Variants in ATP6V1C2 observed in about 807,000 individuals in gnomAD.
ATP6V1C2 encodes the protein V-type proton ATPase subunit C 2.
A neutral mutation model predicts 56.8 loss-of-function variants in ATP6V1C2; 45 were observed. The observed-to-expected ratio is 0.79, with a 90% CI of 0.62 to 1.02. The LOEUF (loss-of-function observed/expected upper bound fraction) is 1.02, where lower values mean the gene tolerates loss of function less well. Ranked by LOEUF, ATP6V1C2 falls within the 50% of genes least tolerant of loss-of-function variation. The pLI is 0.00. For missense variants in ATP6V1C2, 463 were observed against 519.7 expected (o/e 0.89, Z 1.06); for synonymous variants, 220 against 201.3 (o/e 1.09, Z -0.79).
intron 3 of ATP6V1C2, among the ~76,000 whole-genome samples, chr2:10,731,682 A>G (rs1296922690): frequency 6.6e-6 from 1 of 152,148 alleles, no homozygotes. Flanking sequence ...GGCTTAAGAA[A>G]TGTGAACTGG....
rs565732147 is a variant in ATP6V1C2 at position 10,731,097 on chromosome 2, G to A, written c.197+4528G>A. On this transcript the variant is annotated intron_variant, in intron 3 of 13. Coordinates refer to ENST00000272238, the MANE Select transcript of ATP6V1C2 (RefSeq NM_001039362.2). ...CTCTCAAGTAGCTGGGACCACAGGT[G>A]CACACCATGCCCAGCTAATTTTAAA... 3.6e-3 allele frequency among the ~76,000 whole-genome samples: 541 copies of A among 152,144 alleles called. 3 individuals are homozygous for A. Among genetic ancestry groups the A allele is most frequent in the Non-Finnish European group, 3.4e-3 (229 of 68,014 alleles).
chr2:10,755,711 CTCACCG>C (rs750685761), intron 4 of ATP6V1C2, among the ~76,000 whole-genome samples: 1 of 152,222 alleles, frequency 6.6e-6, no homozygotes, highest in Non-Finnish European at 1.5e-5. Flanking sequence ...TCACCTCACC[CTCACCG>C]ATTTATCCCT....
At position 10,775,023 on chromosome 2, in the gene ATP6V1C2, G is replaced by A. The variant is rs774906591; in HGVS notation, c.777G>A (p.Arg259=). The A allele has an allele frequency of 4.3e-6, 7 of 1,614,116 alleles. No individual in the cohort carries two copies. Among genetic ancestry groups the A allele is most frequent in the Middle Eastern group, 3.3e-4 (2 of 6,062 alleles). The change falls in exon 10 of 14, where the codon AGG becomes AGA. Residue 259 remains arginine (R), a synonymous_variant. Transcript: ENST00000272238. The stretch of plus-strand genomic sequence containing the variant: ...ACTATGATGAGAAGGAAATTGAAAG[G>A]GAAAGGGAGGAGATGGCCAGATTGC... ...EFYYDEKEIE[R]EREEMARLLS...
At chr2:10,778,342 G>T (rs1665130849) in intron 11 of ATP6V1C2, 1 of 553,118 alleles carries the variant, frequency 1.8e-6, no homozygotes, top group Admixed American at 3.1e-5. Context: ...GGTCTGTGGT[G>T]GCCCCGTGCA....
intron 3 of ATP6V1C2, among the ~76,000 whole-genome samples, chr2:10,742,829 C>T (rs1001897237): frequency 2.0e-5 from 3 of 152,182 alleles, no homozygotes; most frequent in Non-Finnish European, 4.4e-5. Flanking sequence ...CGGTACAGAC[C>T]TGCCACAGGC....
chr2:10,768,664 C>T, intron 5 of ATP6V1C2, 55 bp from the exon 6 acceptor site: 1 of 1,477,852 alleles, frequency 6.8e-7, no homozygotes, highest in Non-Finnish European at 9.4e-7. Context: ...TCAAAAAGTT[C>T]AGCCAACTCC....
chr2:10,745,932 G>T (rs1291336035), intron 3 of ATP6V1C2, among the ~76,000 whole-genome samples: 2 of 152,198 alleles, frequency 1.3e-5, no homozygotes, highest in African/African-American at 4.8e-5. Flanking sequence ...CTTACAGCAT[G>T]TCAGAATTCC....
chr2:10,761,371 G>A lies in ATP6V1C2; in HGVS notation c.284-2960G>A, dbSNP rs564483739. Among the ~76,000 whole-genome samples the A allele has an allele frequency of 9.9e-5, 15 of 152,122 alleles. No homozygotes were observed. The South Asian group carries it at 2.9e-3, about 29-fold the overall frequency. On this transcript the variant is annotated intron_variant, in intron 4 of 13. Coordinates refer to ENST00000272238, the MANE Select transcript of ATP6V1C2 (RefSeq NM_001039362.2). ...AGCTTGCCTGTGCCTGTGCAATGGG[G>A]TCCTGGAGGTGAGTTTCACTGTCGT... is the stretch of plus-strand genomic sequence containing the variant.
Position 10,756,756 on chromosome 2 carries a change from A to G in ATP6V1C2, c.283+2690A>G, listed in dbSNP as rs142509898. On this transcript the variant is annotated intron_variant, in intron 4 of 13. Transcript: ENST00000272238. ...AAGAAAGAAATATTTAGATATACAA[A>G]TACTTACCATGTGCTACAGTTGCGA... 3.3e-5 allele frequency among the ~76,000 whole-genome samples: 5 copies of G among 152,046 alleles called. No individual in the cohort carries two copies. The South Asian group carries it at 8.3e-4, about 25-fold the overall frequency.
rs547858601 is a variant in ATP6V1C2, at chr2:10,738,005, C to A, written c.197+11436C>A. On this transcript the variant is annotated intron_variant, in intron 3 of 13. Coordinates refer to ENST00000272238, the MANE Select transcript of ATP6V1C2 (RefSeq NM_001039362.2). ...GGCGCCTGGCCATCTATGACAGTTA[C>A]AACTCCTCGAAGGCTGCCCCTTTGT... Among the ~76,000 whole-genome samples the A allele has an allele frequency of 2.0e-5, 3 of 152,314 alleles. No homozygotes were observed. The South Asian group carries it at 6.2e-4, about 32-fold the overall frequency.
chr2:10,767,412 C>T (rs1206875691), intron 5 of ATP6V1C2, among the ~76,000 whole-genome samples: 3 of 152,106 alleles, frequency 2.0e-5, no homozygotes, highest in Non-Finnish European at 4.4e-5. Context: ...ATCTGCCCAT[C>T]TCTGCCTCTC....
At chr2:10,726,674 C>T in intron 3 of ATP6V1C2, 105 bp downstream of exon 3, 1 of 1,088,004 alleles carries the variant, frequency 9.2e-7, no homozygotes, top group Non-Finnish European at 1.4e-6. Flanking sequence ...TTGTCTAGAC[C>T]TGGTTCCAAA....
intron 1 of ATP6V1C2, 87 bp from the exon 2 acceptor site, chr2:10,722,737 T>C: frequency 7.2e-7 from 1 of 1,391,664 alleles, no homozygotes; most frequent in South Asian, 1.4e-5. Context: ...AAGGATGAAT[T>C]GGAGGGTAGG....
In ATP6V1C2 at chr2:10,784,320, C is replaced by A; in HGVS notation, c.*1057C>A. On this transcript the variant is annotated 3_prime_UTR_variant, in exon 14 of 14. Transcript: ENST00000272238. The stretch of plus-strand genomic sequence containing the variant: ...TCACTGAGGTCAATGTCATCCTCCA[C>A]GGGAAGCTGGGAGACGACAGAAAGC... 16 of 1,612,516 alleles carry A rather than the reference C, an allele frequency of 9.9e-6. No individual in the cohort carries two copies. Among genetic ancestry groups the A allele is most frequent in the Non-Finnish European group, 1.3e-5 (15 of 1,179,502 alleles).
intron 3 of ATP6V1C2, among the ~76,000 whole-genome samples, chr2:10,736,501 A>G (rs980924911): frequency 5.3e-5 from 8 of 152,148 alleles, no homozygotes; most frequent in Admixed American, 2.0e-4. Flanking sequence ...ATTTTCTTTG[A>G]TTAGGCTACC....
chr2:10,760,681 T>C (rs1236680546), intron 4 of ATP6V1C2, among the ~76,000 whole-genome samples: 1 of 152,218 alleles, frequency 6.6e-6, no homozygotes, highest in East Asian at 1.9e-4. Flanking sequence ...GCCACAGCCT[T>C]GCTGGGGCTC....
chr2:10,754,110 C>T (rs769365769), intron 4 of ATP6V1C2, 44 bp downstream of exon 4: 35 of 1,510,832 alleles, frequency 2.3e-5, no homozygotes, highest in Non-Finnish European at 2.6e-5. Flanking sequence ...TCTCCCCGCT[C>T]CCTCTAGACC....
chr2:10,778,141 G>A (rs1055505576), intron 11 of ATP6V1C2, among the ~76,000 whole-genome samples: 4 of 152,162 alleles, frequency 2.6e-5, no homozygotes, highest in Admixed American at 6.5e-5. Flanking sequence ...CTGCCACACC[G>A]GCATCAGTGG....
intron 3 of ATP6V1C2, among the ~76,000 whole-genome samples, chr2:10,732,531 G>T (rs189140156): frequency 6.6e-6 from 1 of 151,996 alleles, no homozygotes; most frequent in South Asian, 2.1e-4. Flanking sequence ...AAGTGTTGGG[G>T]TTACGGGCGT....
Sources: gnomAD v4.1 joint callset for allele counts (sites outside exome capture counted in the v4.1 genomes callset) on GRCh38, gnomAD v4.1.1 for gene constraint, MANE v1.5 for transcripts, NCBI Gene and HGNC (gene_info 2026-07-23, HGNC 2026-07-21) for gene names.